KIF1B: variants seen among roughly 807,000 people sequenced by gnomAD.
KIF1B encodes the protein kinesin family member 1B.
A neutral mutation model predicts 241.9 loss-of-function variants in KIF1B; 76 were observed. That is an observed-to-expected ratio of 0.31 (90% CI 0.26 to 0.38). The LOEUF is 0.38. Among genes scored for constraint, KIF1B ranks in the 10% least tolerant of loss-of-function variants. The pLI, the probability that KIF1B is intolerant of heterozygous loss-of-function variation, is 1.00. For synonymous variants in KIF1B, 750 were observed against 796.7 expected (o/e 0.94, Z 0.99); for missense variants, 1,622 against 2,271.4 (o/e 0.71, Z 5.81).
chr1:10,273,709 CAAAAAAAAA>C (rs56349613), intron 10 of KIF1B, among the ~76,000 whole-genome samples: 3 of 49,578 alleles, frequency 6.1e-5, no homozygotes, highest in African/African-American at 1.6e-4. Flanking sequence ...TCCTCCTCCT[CAAAAAAAAA>C]AAAAAAAAAA....
chr1:10,288,983 G>C (rs1170861407), intron 15 of KIF1B, among the ~76,000 whole-genome samples: 1 of 151,462 alleles, frequency 6.6e-6, no homozygotes, highest in African/African-American at 2.4e-5. Context: ...GGGGTCACAG[G>C]CTTCGTTAGT....
intron 34 of KIF1B, chr1:10,345,504 G>A (rs955851726): frequency 3.3e-5 from 11 of 328,942 alleles, no homozygotes; most frequent in Non-Finnish European, 5.8e-5. Flanking sequence ...TCTCTCCCAC[G>A]TTAGTCCCAT....
rs1158761524 is a variant in KIF1B, at chr1:10,343,301, C to T, written c.3688+14C>T. On this transcript the variant is annotated intron_variant, in intron 34 of 48. Coordinates refer to ENST00000676179, the MANE Select transcript of KIF1B (RefSeq NM_001365951.3). ...TGTCCAAGCCAGGTGAGCACTCGCT[C>T]CGCTTTTTGCATGATGATCTCTTTG... 6.2e-7 allele frequency: 1 copy of T among 1,613,186 alleles called. No homozygotes were observed. The highest frequency in any genetic ancestry group is 1.3e-5 in the African/African-American group (1 of 74,908).
In KIF1B at chr1:10,215,250, C is replaced by T. The variant is rs139066557; in HGVS notation, c.-80+4372C>T. 0.01 allele frequency among the ~76,000 whole-genome samples: 1,423 copies of T among 140,128 alleles called. 73 individuals carry two copies. The East Asian group carries it at 0.13, about 12-fold the overall frequency. The allele number at this position is 140,128 out of a possible 152,430, so 91.9% of individuals were successfully genotyped here. ...GGAGTGCAACGGCGCGATCTCGGCT[C>T]ACCGTAACCTCCACCTCCCAGGTTC... On this transcript the variant is annotated intron_variant, in intron 1 of 48. Transcript: ENST00000676179.
At chr1:10,243,224 C>T (rs1647162804) in intron 2 of KIF1B, among the ~76,000 whole-genome samples, 1 of 152,106 alleles carries the variant, frequency 6.6e-6, no homozygotes, top group African/African-American at 2.4e-5. Flanking sequence ...CGAGACCAGA[C>T]TGGCCAACAT....
intron 4 of KIF1B, 62 bp from the exon 5 acceptor site, chr1:10,261,843 G>A (rs998947695): frequency 3.1e-5 from 32 of 1,019,934 alleles, no homozygotes; most frequent in Admixed American, 1.7e-4. Context: ...TTGAGCACGC[G>A]TGGATGACTT....
intron 23 of KIF1B, among the ~76,000 whole-genome samples, chr1:10,320,993 G>A (rs767685803): frequency 6.6e-6 from 1 of 151,462 alleles, no homozygotes; most frequent in Non-Finnish European, 1.5e-5. Flanking sequence ...GAGCCACTGC[G>A]CCCAGCCAAT....
chr1:10,267,032 T>TA (rs773801571), intron 5 of KIF1B, among the ~76,000 whole-genome samples: 1 of 152,078 alleles, frequency 6.6e-6, no homozygotes, highest in Non-Finnish European at 1.5e-5. Context: ...TCTTTTTTTT[T>TA]ATTAAGACAG....
chr1:10,269,663 T>C (rs959163671), intron 7 of KIF1B, among the ~76,000 whole-genome samples: 6 of 150,336 alleles, frequency 4.0e-5, no homozygotes, highest in Non-Finnish European at 7.4e-5. Flanking sequence ...CTACTAAAAA[T>C]ACAAAAAATT....
rs1242277846 is a variant in KIF1B, at chr1:10,381,091, G to GTTGTTGT, written c.*4504_*4505insTTGTTGT. 9.0e-6 allele frequency: 2 copies of GTTGTTGT among 222,846 alleles called. No individual in the cohort carries two copies. The highest frequency in any genetic ancestry group is 1.3e-4 in the East Asian group (2 of 15,244). The allele number at this position is 222,846 out of a possible 1,614,324, so 13.8% of individuals were successfully genotyped here. A position where few individuals can be genotyped will look rare whatever the true frequency, so the allele number is the denominator to read the frequency against. ...TGAGGTTGGTCTCTTGCCAAACCGT[G>GTTGTTGT]GCTGTTGTGTGTTGTTCTTCATGTC... On this transcript the variant is annotated 3_prime_UTR_variant, in exon 49 of 49. Transcript: ENST00000676179.
chr1:10,306,757 TA>T (rs745772393), intron 22 of KIF1B: 89,487 of 557,208 alleles, frequency 0.16, 57 homozygotes, highest in Middle Eastern at 0.21. Context: ...AACCTGTCTT[TA>T]AAAAAAAAAA....
At chr1:10,305,581 T>A (rs1214402963) in intron 22 of KIF1B, 6 of 1,058,654 alleles carry the variant, frequency 5.7e-6, no homozygotes, top group Non-Finnish European at 6.9e-6. Context: ...TTCCAATAGT[T>A]GATGAAATAG....
chr1:10,362,482 T>TA (rs1348272384), intron 40 of KIF1B, among the ~76,000 whole-genome samples: 10 of 91,314 alleles, frequency 1.1e-4, no homozygotes, highest in East Asian at 8.8e-4. Context: ...TCTCAAAATT[T>TA]AAAAAAAAGA....
rs1404924028 is a variant in KIF1B, at chr1:10,262,142, CT to C, written c.429+180del. Reference sequence around the variant, plus strand: ...ATAATGAATAGTGTCCTGCTTTAATCTTTTTTTTGGGGGGTGCGCGGTGGGG... The same window carrying C: ...ATAATGAATAGTGTCCTGCTTTAATCTTTTTTTGGGGGGTGCGCGGTGGGG... On this transcript the variant is annotated intron_variant, in intron 5 of 48. Coordinates refer to ENST00000676179, the MANE Select transcript of KIF1B (RefSeq NM_001365951.3). Among the ~76,000 whole-genome samples the C allele has an allele frequency of 1.7e-4, 26 of 151,898 alleles. No individual in the cohort carries two copies. In the East Asian group the frequency reaches 4.4e-3, roughly 26 times the overall value.
At chr1:10,218,522 G>C (rs1296344932) in intron 1 of KIF1B, among the ~76,000 whole-genome samples, 1 of 151,980 alleles carries the variant, frequency 6.6e-6, no homozygotes, top group African/African-American at 2.4e-5. Context: ...CCGGGTTCAA[G>C]TGATTCTCCT....
chr1:10,286,090 A>T lies in KIF1B; in HGVS notation c.1434+3557A>T, dbSNP rs147542579. Among the ~76,000 whole-genome samples the T allele has an allele frequency of 4.6e-3, 701 of 151,660 alleles. 6 individuals are homozygous for T. The highest frequency in any genetic ancestry group is 0.016 in the African/African-American group (661 of 41,302). ...AGTCTTGCTCTGTTGCCCAGGCTGG[A>T]GTGCAGTGACGCGATCTCGGCTCAC... On this transcript the variant is annotated intron_variant, in intron 15 of 48. Coordinates refer to ENST00000676179, the MANE Select transcript of KIF1B (RefSeq NM_001365951.3).
chr1:10,300,810 T>TA, intron 22 of KIF1B, among the ~76,000 whole-genome samples: 1 of 152,204 alleles, frequency 6.6e-6, no homozygotes, highest in Non-Finnish European at 1.5e-5. Context: ...GCCATTATGA[T>TA]TTTAAAAACT....
chr1:10,371,412 G>A (rs1036007421), intron 45 of KIF1B, 150 bp downstream of exon 45: 4 of 867,160 alleles, frequency 4.6e-6, no homozygotes, highest in Admixed American at 2.0e-5. Flanking sequence ...CTATCACAGT[G>A]ACTGGAGAGG....
intron 22 of KIF1B, among the ~76,000 whole-genome samples, chr1:10,312,300 A>G (rs1241344329): frequency 4.0e-5 from 6 of 151,528 alleles, no homozygotes; most frequent in Non-Finnish European, 7.4e-5. Flanking sequence ...TGTAAAACAT[A>G]TCCTGACTCC....
Sources: gnomAD v4.1 joint callset for allele counts (sites outside exome capture counted in the v4.1 genomes callset) on GRCh38, gnomAD v4.1.1 for gene constraint, MANE v1.5 for transcripts, NCBI Gene and HGNC (gene_info 2026-07-23, HGNC 2026-07-21) for gene names.